Variants in FLNB observed in about 807,000 individuals in gnomAD.
The protein encoded by FLNB is filamin B.
In FLNB, 111 loss-of-function variants were observed where a neutral mutation model predicts 250.6. That is an observed-to-expected ratio of 0.44 (90% CI 0.38 to 0.52). The LOEUF is 0.52. Among genes scored for constraint, FLNB ranks in the 20% least tolerant of loss-of-function variants. FLNB has a pLI of 0.00. For missense variants in FLNB, 2,869 were observed against 3,447.8 expected, an observed-to-expected ratio of 0.83 and a Z score of 4.20; for synonymous variants, 1,302 against 1,372.1, an observed-to-expected ratio of 0.95 and a Z score of 1.13.
chr3:58,128,016 A>G (rs1489045011), intron 24 of FLNB, among the ~76,000 whole-genome samples: 2 of 152,030 alleles, frequency 1.3e-5, no homozygotes, highest in East Asian at 3.9e-4. Flanking sequence ...TGGGCCACTT[A>G]TGCCTTGTCT....
At chr3:58,067,640 A>C (rs1320706994) in intron 1 of FLNB, among the ~76,000 whole-genome samples, 1 of 142,976 alleles carries the variant, frequency 7.0e-6, no homozygotes, top group Non-Finnish European at 1.5e-5. Context: ...TCTGTCGCCC[A>C]GGCTGGAGTG....
At chr3:58,143,359 C>A in intron 31 of FLNB, 114 bp from the exon 32 acceptor site, 1 of 1,089,816 alleles carries the variant, frequency 9.2e-7, no homozygotes, top group Non-Finnish European at 1.4e-6. Context: ...TAGGCAGCAA[C>A]GAATGTTCTT....
At chr3:58,017,993 A>C (rs536026033) in intron 1 of FLNB, among the ~76,000 whole-genome samples, 8 of 152,188 alleles carry the variant, frequency 5.3e-5, no homozygotes, top group Non-Finnish European at 1.0e-4. Flanking sequence ...TTGTCCTCCT[A>C]CATATTATTC....
intron 32 of FLNB, among the ~76,000 whole-genome samples, chr3:58,144,663 T>C (rs1158827818): frequency 6.6e-6 from 1 of 152,218 alleles, no homozygotes; most frequent in East Asian, 1.9e-4. Context: ...ATCTATGATT[T>C]TGACAGATCT....
rs750338538 is a variant in FLNB at position 58,141,922 on chromosome 3, G to A, written c.5174G>A (p.Arg1725Lys). ...APVNACPPGF[R>K]PWVTEEAYVP... The stretch of plus-strand genomic sequence containing the variant: ...GTAAATGCATGTCCCCCTGGATTCA[G>A]GCCCTGGGTACAATTTTGGTTTTTT... The change falls in exon 30 of 46, where the codon AGG becomes AAG. Residue 1725 changes from arginine to lysine, a missense_variant. By Grantham distance (26) the Arg-to-Lys change is conservative. Around this residue, in one of 5 missense-constraint regions of FLNB, gnomAD observed 1,084 missense variants for 1,315.5 expected, o/e 0.82. Transcript: ENST00000295956. 4.7e-5 allele frequency: 76 copies of A among 1,613,938 alleles called. No individual in the cohort carries two copies. The Admixed American group carries it at 5.5e-4, about 12-fold the overall frequency.
chr3:58,070,589 C>G (rs746051041), intron 1 of FLNB, among the ~76,000 whole-genome samples: 6 of 151,678 alleles, frequency 4.0e-5, no homozygotes, highest in Non-Finnish European at 8.8e-5. Flanking sequence ...CCCAGATGGC[C>G]AAGTCTTAGT....
chr3:58,125,247 C>G (rs2097295778), intron 22 of FLNB, among the ~76,000 whole-genome samples: 1 of 152,146 alleles, frequency 6.6e-6, no homozygotes, highest in Non-Finnish European at 1.5e-5. Flanking sequence ...ATCCTCCTGC[C>G]TCAGCCCCCT....
intron 38 of FLNB, among the ~76,000 whole-genome samples, chr3:58,151,964 T>C (rs935492191): frequency 3.3e-5 from 5 of 152,244 alleles, no homozygotes; most frequent in African/African-American, 1.2e-4. Flanking sequence ...TGGCATTCAG[T>C]GTTCAGTTTC....
At chr3:58,079,164 A>G (rs1239497933) in intron 3 of FLNB, among the ~76,000 whole-genome samples, 3 of 152,236 alleles carry the variant, frequency 2.0e-5, no homozygotes, top group Non-Finnish European at 1.5e-5. Flanking sequence ...AGGTTGAGCC[A>G]TAAGAAATTG....
chr3:58,121,301 G>A lies in FLNB; in HGVS notation c.2924G>A (p.Gly975Glu), dbSNP rs1390303574. ...TVDTRGAGGQ[G>E]KLDVTILSPS... is the part of the protein sequence containing the mutation. ...GATACCAGGGGGGCAGGAGGCCAGG[G>A]GAAGCTGGACGTGACAATCCTCAGC... is the stretch of plus-strand genomic sequence containing the variant. Residue 975 changes from glycine to glutamate, a missense_variant, in exon 20 of 46, where the codon GGG becomes GAG. By Grantham distance (98) the Gly-to-Glu change is moderately conservative. Transcript: ENST00000295956. The A allele has an allele frequency of 1.2e-6, 2 of 1,614,054 alleles. No homozygotes were observed. Among genetic ancestry groups the A allele is most frequent in the East Asian group, 2.2e-5 (1 of 44,896 alleles).
At chr3:58,108,227 C>G (rs1046197493) in intron 12 of FLNB, among the ~76,000 whole-genome samples, 1 of 152,184 alleles carries the variant, frequency 6.6e-6, no homozygotes, top group Non-Finnish European at 1.5e-5. Flanking sequence ...GGCTTCAGGC[C>G]GTGGGTTGGA....
At chr3:58,105,467 C>T (rs759575960) in intron 11 of FLNB, among the ~76,000 whole-genome samples, 4 of 152,274 alleles carry the variant, frequency 2.6e-5, no homozygotes, top group Admixed American at 1.3e-4. Context: ...ATGCTTGGAA[C>T]GTAGTAAACA....
At chr3:58,131,793 G>T (rs1462638208) in intron 25 of FLNB, 2 of 668,100 alleles carry the variant, frequency 3.0e-6, no homozygotes, top group Non-Finnish European at 5.3e-6. Context: ...TTCAGGACCT[G>T]CATGTGTTTG....
chr3:58,062,132 A>G (rs1160737401), intron 1 of FLNB, among the ~76,000 whole-genome samples: 2 of 152,160 alleles, frequency 1.3e-5, no homozygotes, highest in Non-Finnish European at 2.9e-5. Flanking sequence ...ATAAATAACA[A>G]CAATAAAATG....
chr3:58,119,854 G>A (rs529954130), intron 19 of FLNB, among the ~76,000 whole-genome samples: 1 of 152,168 alleles, frequency 6.6e-6, no homozygotes, highest in Non-Finnish European at 1.5e-5. Flanking sequence ...ACATTTGGCT[G>A]TATTTATTTT....
Position 58,081,926 on chromosome 3 carries a change from G to C in FLNB, c.787+150G>C, listed in dbSNP as rs1576684069. The C allele has an allele frequency of 1.0e-5, 9 of 873,086 alleles. 1 individual carries two copies. In the East Asian group the frequency reaches 2.0e-4, roughly 19 times the overall value. The allele number at this position is 873,086 out of a possible 1,614,324, so 54.1% of individuals were successfully genotyped here. A position where few individuals can be genotyped will look rare whatever the true frequency, so the allele number is the denominator to read the frequency against. On this transcript the variant is annotated intron_variant, in intron 4 of 45. Transcript: ENST00000295956. Reference sequence around the variant, plus strand: ...AAGCCTCCTTTGTAACACATTTTATGACTGTTTTATTCTGCCTTGTTTTTC... The same window carrying C: ...AAGCCTCCTTTGTAACACATTTTATCACTGTTTTATTCTGCCTTGTTTTTC...
chr3:58,155,860 G>A (rs2097352566), intron 40 of FLNB, 100 bp from the exon 41 acceptor site: 1 of 783,692 alleles, frequency 1.3e-6, no homozygotes, highest in Non-Finnish European at 2.2e-6. Flanking sequence ...CCATTGAGGA[G>A]GGCTGGGTCT....
chr3:58,082,227 C>T (rs999050697), intron 4 of FLNB, among the ~76,000 whole-genome samples: 1 of 152,192 alleles, frequency 6.6e-6, no homozygotes, highest in Non-Finnish European at 1.5e-5. Flanking sequence ...CTTGCTAAGA[C>T]ATCCTGTTTA....
At chr3:58,128,834 A>G (rs2097301952) in intron 24 of FLNB, among the ~76,000 whole-genome samples, 1 of 152,146 alleles carries the variant, frequency 6.6e-6, no homozygotes, top group African/African-American at 2.4e-5. Flanking sequence ...GAGCATAACA[A>G]CAGAAAGACA....
Sources: gnomAD v4.1 joint callset for allele counts (sites outside exome capture counted in the v4.1 genomes callset) on GRCh38, gnomAD v4.1.1 for gene constraint, gnomAD v4.1.1 regional missense constraint, MANE v1.5 for transcripts, NCBI Gene and HGNC (gene_info 2026-07-23, HGNC 2026-07-21) for gene names.